MCF2L: variants seen among roughly 807,000 people sequenced by gnomAD.
MCF2L encodes the protein MCF.2 cell line derived transforming sequence like.
A neutral mutation model predicts 153.4 loss-of-function variants in MCF2L; 97 were observed. The observed-to-expected ratio is 0.63, with a 90% confidence interval of 0.54 to 0.75. The LOEUF is 0.75. Among genes scored for constraint, MCF2L ranks in the 30% least tolerant of loss-of-function variants. MCF2L has a pLI of 0.00. For missense variants in MCF2L, 1,347 were observed against 1,495.2 expected, an observed-to-expected ratio of 0.90 and a Z score of 1.64; for synonymous variants, 659 against 632.2, an observed-to-expected ratio of 1.04 and a Z score of -0.64.
intron 3 of MCF2L, among the ~76,000 whole-genome samples, chr13:113,025,235 G>A (rs1208297062): frequency 1.7e-5 from 2 of 115,176 alleles, no homozygotes; most frequent in African/African-American, 6.5e-5. Context: ...TCGGGGCAGA[G>A]TCCCTGTGAG....
At position 113,036,963 on chromosome 13, in the gene MCF2L, C is replaced by T. The variant is rs186358770; in HGVS notation, c.279-8308C>T. On this transcript the variant is annotated intron_variant, in intron 3 of 29. Transcript: ENST00000535094. ...GAAGACCTGCGTTGTAGCAAGCTCCCGGATGTTTCTCTTGCATCCATCTGG... is the reference window on the plus strand; with the variant it reads ...GAAGACCTGCGTTGTAGCAAGCTCCTGGATGTTTCTCTTGCATCCATCTGG... Among the ~76,000 whole-genome samples, 111 of 152,332 alleles carry T rather than the reference C, an allele frequency of 7.3e-4. 1 individual carries two copies. Among genetic ancestry groups the T allele is most frequent in the Admixed American group, 3.9e-4 (6 of 15,308 alleles).
chr13:113,091,243 G>T, intron 26 of MCF2L: 1 of 1,300,502 alleles, frequency 7.7e-7, no homozygotes, highest in Non-Finnish European at 1.0e-6. Context: ...TTGGCAGGAA[G>T]CGCGGCCCAG....
At chr13:112,959,069 T>C (rs2873372) in intron 2 of MCF2L, among the ~76,000 whole-genome samples, 36,656 of 152,234 alleles carry the variant, frequency 0.24, 4,755 homozygotes, top group South Asian at 0.3. Flanking sequence ...TGCCTGGTAG[T>C]GGTATTGCGG....
intron 1 of MCF2L, among the ~76,000 whole-genome samples, chr13:112,997,067 C>T (rs1020602528): frequency 2.6e-5 from 4 of 152,334 alleles, no homozygotes; most frequent in South Asian, 2.1e-4. Flanking sequence ...CCCAGCTGAG[C>T]GGCTGCTTCC....
At chr13:113,081,176 G>A in intron 15 of MCF2L, 37 bp from the exon 16 acceptor site, 2 of 1,542,124 alleles carry the variant, frequency 1.3e-6, no homozygotes, top group South Asian at 1.2e-5. Context: ...CTCTCCCAGT[G>A]CTAACCTTTT....
intron 2 of MCF2L, among the ~76,000 whole-genome samples, chr13:112,949,473 C>A (rs908622701): frequency 8.5e-5 from 13 of 152,122 alleles, no homozygotes; most frequent in African/African-American, 2.9e-4. Context: ...AACACACAAG[C>A]CCATAACAAG....
rs949043185 is a variant in MCF2L at position 112,932,743 on chromosome 13, G to A, written c.169+30372G>A. On this transcript the variant is annotated intron_variant, in intron 2 of 29. Transcript: ENST00000375608. This position sits in a 1 kb window ranked among gnomAD's most constrained non-coding sequence, Gnocchi z 4.6. ...GTATTTTAGCAAAAGAGAAATAAAC[G>A]ACTTTGGCTGGGTGCGGTGGCTGGC... is the stretch of plus-strand genomic sequence containing the variant. 3.3e-5 allele frequency among the ~76,000 whole-genome samples: 5 copies of A among 152,136 alleles called. No individual in the cohort carries two copies. Among genetic ancestry groups the A allele is most frequent in the Admixed American group, 1.3e-4 (2 of 15,266 alleles).
intron 4 of MCF2L, among the ~76,000 whole-genome samples, chr13:113,047,900 G>A (rs1297916151): frequency 2.0e-5 from 3 of 152,212 alleles, no homozygotes; most frequent in Non-Finnish European, 4.4e-5. Context: ...CTCGCTACGC[G>A]TGCCCCGGCC....
intron 20 of MCF2L, among the ~76,000 whole-genome samples, chr13:113,085,582 C>T (rs562514205): frequency 3.3e-5 from 5 of 152,280 alleles, no homozygotes; most frequent in South Asian, 2.1e-4. Context: ...AACTCCATGC[C>T]TTTGGCCAGG....
chr13:113,033,252 C>T (rs878917531), intron 3 of MCF2L, among the ~76,000 whole-genome samples: 13 of 19,230 alleles, frequency 6.8e-4, no homozygotes, highest in East Asian at 2.6e-3. Context: ...GCCCCCGTGA[C>T]ATTAGTGGAC....
At chr13:112,992,601 C>A (rs1021121916) in intron 1 of MCF2L, among the ~76,000 whole-genome samples, 5 of 152,210 alleles carry the variant, frequency 3.3e-5, no homozygotes, top group Non-Finnish European at 7.3e-5. Flanking sequence ...CTGTAGGAAG[C>A]TGAGTTTGAA....
chr13:112,899,127 A>C, intron 1 of MCF2L, among the ~76,000 whole-genome samples: 1 of 152,252 alleles, frequency 6.6e-6, no homozygotes, highest in Non-Finnish European at 1.5e-5. Flanking sequence ...AGGACCGAGC[A>C]AACGAGTCAC....
At chr13:112,901,393 A>G (rs1385045856) in intron 1 of MCF2L, among the ~76,000 whole-genome samples, 1 of 152,190 alleles carries the variant, frequency 6.6e-6, no homozygotes, top group East Asian at 1.9e-4. Context: ...ACCTGAGGTG[A>G]TTCGCCGGCG....
In MCF2L at chr13:112,909,141, C is replaced by T. The variant is rs2140516169; in HGVS notation, c.169+6770C>T. The T allele has an allele frequency of 4.0e-6, 3 of 752,314 alleles. No homozygotes were observed. The South Asian group carries it at 4.2e-5, about 11-fold the overall frequency. The allele number at this position is 752,314 out of a possible 1,614,324, so 46.6% of individuals were successfully genotyped here. A position where few individuals can be genotyped will look rare whatever the true frequency, so the allele number is the denominator to read the frequency against. The stretch of plus-strand genomic sequence containing the variant: ...GAAATTCTCTCCCTCCTGCTTGCCT[C>T]ATCCGCTTCTGGGTTAAGTCCAGGA... On this transcript the variant is annotated intron_variant, in intron 2 of 29. Coordinates refer to the MCF2L transcript ENST00000375608.
intron 1 of MCF2L, among the ~76,000 whole-genome samples, chr13:112,997,987 C>T (rs1197327086): frequency 6.6e-6 from 1 of 152,158 alleles, no homozygotes. Context: ...GAAGCCGGTG[C>T]GTCGGCTCTG....
intron 2 of MCF2L, among the ~76,000 whole-genome samples, chr13:112,959,873 G>A (rs1355907325): frequency 2.0e-5 from 3 of 152,222 alleles, no homozygotes; most frequent in African/African-American, 4.8e-5. Context: ...AGGCTCACGA[G>A]GCTTTCTGAA....
chr13:112,988,125 G>A (rs902832975), intron 1 of MCF2L, among the ~76,000 whole-genome samples: 5 of 152,180 alleles, frequency 3.3e-5, no homozygotes, highest in East Asian at 1.9e-4. Context: ...AGTTTGCACC[G>A]ATTCAGAGGG....
At chr13:113,014,959 GC>G (rs1385875442) in intron 2 of MCF2L, 113 bp downstream of exon 2, 1 of 891,922 alleles carries the variant, frequency 1.1e-6, no homozygotes, top group Admixed American at 2.0e-5. Flanking sequence ...CATGCGAGGG[GC>G]TGTGTATTCA....
At chr13:113,088,693 G>A (rs773000432) in intron 25 of MCF2L, 65 bp downstream of exon 25, 55 of 1,517,240 alleles carry the variant, frequency 3.6e-5, no homozygotes, top group Non-Finnish European at 4.7e-5. Flanking sequence ...CCATTTGCAC[G>A]CCAGGGTCCT....
Sources: gnomAD v4.1 joint callset for allele counts (sites outside exome capture counted in the v4.1 genomes callset) on GRCh38, gnomAD v4.1.1 for gene constraint, Gnocchi (gnomAD v3.1) non-coding constraint, MANE v1.5 for transcripts, NCBI Gene and HGNC (gene_info 2026-07-23, HGNC 2026-07-21) for gene names.